ERBB4: variants seen among roughly 807,000 people sequenced by gnomAD.
ERBB4 encodes receptor tyrosine-protein kinase erbB-4.
In ERBB4, 42 loss-of-function variants were observed where a neutral mutation model predicts 158.0. The observed-to-expected ratio is 0.27, with a 90% CI of 0.21 to 0.34. The LOEUF is 0.34. Ranked by LOEUF, ERBB4 falls within the 10% of genes least tolerant of loss-of-function variation. The probability of loss-of-function intolerance (pLI) is 1.00; values close to 1 mark genes in which losing one functional copy is unlikely to be tolerated. For synonymous variants in ERBB4, 583 were observed against 558.7 expected (o/e 1.04, Z -0.61); for missense variants, 1,333 against 1,624.1 (o/e 0.82, Z 3.08).
At chr2:212,413,453 TTTCA>T (rs2091563460) in intron 1 of ERBB4, among the ~76,000 whole-genome samples, 1 of 152,184 alleles carries the variant, frequency 6.6e-6, no homozygotes, top group Admixed American at 6.5e-5. Context: ...CTCTGTTATA[TTTCA>T]TTTATTTAAT....
intron 2 of ERBB4, among the ~76,000 whole-genome samples, chr2:212,085,365 T>C (rs10173765): frequency 2.0e-5 from 3 of 151,980 alleles, no homozygotes; most frequent in Admixed American, 6.6e-5. Context: ...ATCTTAGAGA[T>C]AAAAGGCTGT....
At chr2:212,317,551 G>T (rs558424082) in intron 1 of ERBB4, among the ~76,000 whole-genome samples, 1 of 151,398 alleles carries the variant, frequency 6.6e-6, no homozygotes, top group Admixed American at 6.6e-5. Flanking sequence ...TATATTTTGC[G>T]AAATTAATCA....
At chr2:211,896,099 T>C (rs1313285230) in intron 3 of ERBB4, among the ~76,000 whole-genome samples, 3 of 152,102 alleles carry the variant, frequency 2.0e-5, no homozygotes, top group Non-Finnish European at 2.9e-5. Context: ...TTCACCAAGT[T>C]TCATGCCTTT....
intron 1 of ERBB4, among the ~76,000 whole-genome samples, chr2:212,410,855 T>C (rs1189301388): frequency 6.6e-6 from 1 of 152,102 alleles, no homozygotes; most frequent in Non-Finnish European, 1.5e-5. Context: ...TCTATTTTTA[T>C]GTACACATAT....
chr2:212,117,061 G>A (rs1243290505), intron 2 of ERBB4, among the ~76,000 whole-genome samples: 1 of 152,162 alleles, frequency 6.6e-6, no homozygotes, highest in East Asian at 1.9e-4. Flanking sequence ...AATTGCATAT[G>A]TATTATCTTT....
intron 3 of ERBB4, among the ~76,000 whole-genome samples, chr2:211,889,228 T>A (rs2106177799): frequency 6.9e-6 from 1 of 145,010 alleles, no homozygotes; most frequent in African/African-American, 2.7e-5. Flanking sequence ...CCTCCTCAAG[T>A]GGGTCCCTGA....
At chr2:211,550,190 ACT>A (rs1186089902) in intron 20 of ERBB4, among the ~76,000 whole-genome samples, 11 of 151,764 alleles carry the variant, frequency 7.2e-5, no homozygotes, top group African/African-American at 1.5e-4. Flanking sequence ...ATTGAGATTT[ACT>A]CTCTTAGCAA....
chr2:212,056,819 A>T (rs1386828932), intron 2 of ERBB4, among the ~76,000 whole-genome samples: 1 of 152,218 alleles, frequency 6.6e-6, no homozygotes, highest in East Asian at 1.9e-4. Flanking sequence ...AGCCACTGCA[A>T]AAACATGCCA....
chr2:212,284,197 C>A (rs987485432), intron 1 of ERBB4, among the ~76,000 whole-genome samples: 1 of 152,090 alleles, frequency 6.6e-6, no homozygotes, highest in Non-Finnish European at 1.5e-5. Flanking sequence ...GAAACTCCAT[C>A]TGAGTCTCTA....
At chr2:211,935,719 T>G (rs1045822019) in intron 3 of ERBB4, among the ~76,000 whole-genome samples, 16 of 152,258 alleles carry the variant, frequency 1.1e-4, no homozygotes, top group Admixed American at 2.6e-4. Flanking sequence ...CATCAACCAA[T>G]TGTCCTAATG....
intron 1 of ERBB4, among the ~76,000 whole-genome samples, chr2:212,300,420 C>T (rs1445791788): frequency 6.6e-6 from 1 of 151,410 alleles, no homozygotes; most frequent in Non-Finnish European, 1.5e-5. Flanking sequence ...ACACAGGGTT[C>T]GCGTGTTTTT....
At chr2:212,391,612 A>G (rs1161633655) in intron 1 of ERBB4, among the ~76,000 whole-genome samples, 2 of 142,644 alleles carry the variant, frequency 1.4e-5, no homozygotes, top group Admixed American at 7.2e-5. Context: ...CAATGTGAAT[A>G]TTATATGTCA....
At chr2:211,909,154 A>G (rs978363493) in intron 3 of ERBB4, among the ~76,000 whole-genome samples, 1 of 151,722 alleles carries the variant, frequency 6.6e-6, no homozygotes, top group Non-Finnish European at 1.5e-5. Flanking sequence ...AGTGTGAAAT[A>G]TTCTCTGCAA....
At chr2:212,288,528 G>A (rs964377859) in intron 1 of ERBB4, among the ~76,000 whole-genome samples, 1 of 152,100 alleles carries the variant, frequency 6.6e-6, no homozygotes, top group Non-Finnish European at 1.5e-5. Flanking sequence ...TTGCAGTGGG[G>A]AGGAGCCTGG....
At chr2:212,376,527 T>TTC (rs1381443628) in intron 1 of ERBB4, among the ~76,000 whole-genome samples, 1 of 152,082 alleles carries the variant, frequency 6.6e-6, no homozygotes, top group African/African-American at 2.4e-5. Context: ...ACAGCTATGC[T>TTC]TCTGCTCATT....
At chr2:212,367,159 T>C (rs1459868150) in intron 1 of ERBB4, among the ~76,000 whole-genome samples, 1 of 151,988 alleles carries the variant, frequency 6.6e-6, no homozygotes, top group Non-Finnish European at 1.5e-5. Flanking sequence ...CATCTACAAG[T>C]CAAAGGAGAG....
rs553469457 is a variant in ERBB4, at chr2:212,333,848, C to T, written c.82+204601G>A. On this transcript the variant is annotated intron_variant, in intron 1 of 27. Transcript: ENST00000342788. Reference sequence around the variant, plus strand: ...TGATCTTGGGTTCACAATAATAATTCCTAAGAAAAAAACCTTCTTGACTAA... The same window carrying T: ...TGATCTTGGGTTCACAATAATAATTTCTAAGAAAAAAACCTTCTTGACTAA... 8.9e-4 allele frequency among the ~76,000 whole-genome samples: 136 copies of T among 152,058 alleles called. 1 individual carries two copies. The highest frequency in any genetic ancestry group is 3.4e-3 in the Middle Eastern group (1 of 294).
chr2:211,849,396 C>A (rs1037047208), intron 3 of ERBB4, among the ~76,000 whole-genome samples: 1 of 151,798 alleles, frequency 6.6e-6, no homozygotes, highest in Admixed American at 6.6e-5. Context: ...AAATATAATT[C>A]CTACTTCTAT....
chr2:211,915,064 C>A (rs954824961), intron 3 of ERBB4, among the ~76,000 whole-genome samples: 1 of 152,118 alleles, frequency 6.6e-6, no homozygotes, highest in Admixed American at 6.6e-5. Context: ...GGTCTGAAGG[C>A]AAAGTAATAT....
Sources: gnomAD v4.1 joint callset for allele counts (sites outside exome capture counted in the v4.1 genomes callset) on GRCh38, gnomAD v4.1.1 for gene constraint, MANE v1.5 for transcripts, NCBI Gene and HGNC (gene_info 2026-07-23, HGNC 2026-07-21) for gene names.